UNC13B: variants seen among roughly 807,000 people sequenced by gnomAD.
The protein encoded by UNC13B is unc-13 homolog B.
Under a neutral mutation model 211.0 loss-of-function variants are expected in UNC13B, and 144 were observed. The observed-to-expected ratio is 0.68, with a 90% confidence interval of 0.60 to 0.78. The LOEUF (loss-of-function observed/expected upper bound fraction) is 0.78, where lower values mean the gene tolerates loss of function less well. Ranked by LOEUF, UNC13B falls within the 30% of genes least tolerant of loss-of-function variation. The pLI, the probability that UNC13B is intolerant of heterozygous loss-of-function variation, is 0.00. For synonymous variants in UNC13B, 709 were observed against 725.8 expected, an observed-to-expected ratio of 0.98 and a Z score of 0.37; for missense variants, 1,777 against 2,002.0, an observed-to-expected ratio of 0.89 and a Z score of 2.14.
intron 7 of UNC13B, among the ~76,000 whole-genome samples, chr9:35,259,577 A>G (rs749727175): frequency 6.6e-6 from 1 of 152,112 alleles, no homozygotes; most frequent in South Asian, 2.1e-4. Flanking sequence ...GTATACCTCA[A>G]TAAAATTTGA....
At chr9:35,375,490 GA>G (rs1318647707) in intron 14 of UNC13B, among the ~76,000 whole-genome samples, 3 of 152,300 alleles carry the variant, frequency 2.0e-5, no homozygotes, top group Middle Eastern at 6.8e-3. Flanking sequence ...GTGAATGCTG[GA>G]ACAAGGCTCG....
At chr9:35,291,673 C>T (rs1829105643) in intron 7 of UNC13B, among the ~76,000 whole-genome samples, 1 of 152,160 alleles carries the variant, frequency 6.6e-6, no homozygotes, top group African/African-American at 2.4e-5. Flanking sequence ...GCTAAGGCCA[C>T]CTTTGTTCTA....
At chr9:35,217,975 G>A (rs1292603669) in intron 1 of UNC13B, among the ~76,000 whole-genome samples, 1 of 151,840 alleles carries the variant, frequency 6.6e-6, no homozygotes, top group Non-Finnish European at 1.5e-5. Flanking sequence ...AGTGAGCTGT[G>A]TTTGCACCAC....
At chr9:35,352,925 A>G (rs1034959384) in intron 11 of UNC13B, 1 of 1,232,084 alleles carries the variant, frequency 8.1e-7, no homozygotes, top group African/African-American at 1.6e-5. Flanking sequence ...CTGCCACGAT[A>G]AAAGTGAGGC....
intron 1 of UNC13B, among the ~76,000 whole-genome samples, chr9:35,206,550 A>G (rs1011873444): frequency 6.6e-6 from 1 of 152,072 alleles, no homozygotes; most frequent in South Asian, 2.1e-4. Context: ...TTGTATCAGC[A>G]TGTCATTCTT....
intron 37 of UNC13B, among the ~76,000 whole-genome samples, chr9:35,402,550 G>T (rs1403602935): frequency 6.6e-6 from 1 of 152,040 alleles, no homozygotes. Flanking sequence ...CCAAAGTCCT[G>T]GGATTACAGG....
chr9:35,260,836 C>T (rs549835860), intron 7 of UNC13B, among the ~76,000 whole-genome samples: 14 of 152,156 alleles, frequency 9.2e-5, no homozygotes, highest in East Asian at 7.7e-4. Context: ...CCTTTTTCCA[C>T]GACTGCTAAT....
intron 6 of UNC13B, among the ~76,000 whole-genome samples, chr9:35,244,232 C>G (rs1464958484): frequency 6.6e-6 from 1 of 151,616 alleles, no homozygotes; most frequent in Admixed American, 6.6e-5. Context: ...ATTAATGGAA[C>G]AAAGAAAAAA....
At chr9:35,252,139 C>G (rs886787587) in intron 6 of UNC13B, among the ~76,000 whole-genome samples, 2 of 152,090 alleles carry the variant, frequency 1.3e-5, no homozygotes, top group Non-Finnish European at 2.9e-5. Context: ...AAAAGTGCAT[C>G]TATTAGTTTG....
At chr9:35,205,009 T>C (rs1470750106) in intron 1 of UNC13B, among the ~76,000 whole-genome samples, 3 of 152,136 alleles carry the variant, frequency 2.0e-5, no homozygotes, top group Non-Finnish European at 2.9e-5. Flanking sequence ...TGGGAGGTGA[T>C]GGATAATGGG....
In UNC13B at chr9:35,255,539, G is replaced by C. The variant is rs368501936; in HGVS notation, c.469-3454G>C. 1.5e-4 allele frequency among the ~76,000 whole-genome samples: 23 copies of C among 152,228 alleles called. No individual in the cohort carries two copies. In the South Asian group the frequency reaches 4.8e-3, roughly 32 times the overall value. On this transcript the variant is annotated intron_variant, in intron 6 of 39. Coordinates refer to ENST00000635942, the MANE Select transcript of UNC13B (RefSeq NM_001371189.2). ...GCATCAGAGTTTTTAAAGATAATTT[G>C]ACAGGTAGGGGTTTGGGAAGTGGGG...
chr9:35,386,229 T>C lies in UNC13B; in HGVS notation c.11030T>C (p.Leu3677Ser). The C allele has an allele frequency of 6.2e-7, 1 of 1,614,186 alleles. No homozygotes were observed. The highest frequency in any genetic ancestry group is 1.3e-5 in the African/African-American group (1 of 75,038). ...QVVKDCVKAC[L>S]NSTYEYIFNN... Reference sequence around the variant, plus strand: ...GTAAAGGATTGTGTGAAGGCCTGTTTGAACTCCACATATGAATATATCTTC... The same window carrying C: ...GTAAAGGATTGTGTGAAGGCCTGTTCGAACTCCACATATGAATATATCTTC... Residue 3677 changes from leucine (L) to serine (S), a missense_variant, in exon 24 of 40, where the codon TTG becomes TCG. By Grantham distance (145) the Leu-to-Ser change is moderately radical. Transcript: ENST00000635942.
intron 11 of UNC13B, among the ~76,000 whole-genome samples, chr9:35,358,459 C>T (rs994979360): frequency 3.9e-5 from 6 of 152,146 alleles, no homozygotes; most frequent in Non-Finnish European, 8.8e-5. Context: ...TTTTCTTCAA[C>T]ACTTGTTATT....
intron 6 of UNC13B, among the ~76,000 whole-genome samples, chr9:35,257,243 G>T (rs967823774): frequency 6.7e-6 from 1 of 150,368 alleles, no homozygotes; most frequent in Non-Finnish European, 1.5e-5. Flanking sequence ...TGGATCACCT[G>T]AGGTCAGGAG....
At position 35,236,899 on chromosome 9, in the gene UNC13B, T is replaced by C. The variant is rs368972020; in HGVS notation, c.270+313T>C. ...TTACTTAGGGTACTTGTGGTTTCTG[T>C]GTTCTCTTCTAAGTCACTGCCCTGG... On this transcript the variant is annotated intron_variant, in intron 4 of 39. Transcript: ENST00000635942. Among the ~76,000 whole-genome samples the C allele has an allele frequency of 7.6e-4, 115 of 152,296 alleles. 1 individual carries two copies. In the South Asian group the frequency reaches 0.019, roughly 25 times the overall value.
At chr9:35,318,974 A>C (rs1830600551) in intron 11 of UNC13B, among the ~76,000 whole-genome samples, 1 of 152,202 alleles carries the variant, frequency 6.6e-6, no homozygotes, top group Non-Finnish European at 1.5e-5. Context: ...TGGTAAAAGG[A>C]AGGGAAAGAT....
At chr9:35,220,462 G>A (rs1202508267) in intron 1 of UNC13B, among the ~76,000 whole-genome samples, 2 of 150,498 alleles carry the variant, frequency 1.3e-5, no homozygotes, top group East Asian at 3.9e-4. Flanking sequence ...TCTGTTATTG[G>A]TAGTTCTACT....
At chr9:35,385,338 C>G (rs1835118974) in intron 22 of UNC13B, 1 of 985,426 alleles carries the variant, frequency 1.0e-6, no homozygotes, top group Non-Finnish European at 1.2e-6. Flanking sequence ...CACTTATATT[C>G]CAGGATATAC....
chr9:35,362,854 A>G (rs537916296), intron 11 of UNC13B, among the ~76,000 whole-genome samples: 7 of 152,248 alleles, frequency 4.6e-5, no homozygotes, highest in Middle Eastern at 6.8e-3. Context: ...CATCTGTACA[A>G]TGGTGGGACT....
Sources: allele counts gnomAD v4.1 joint callset (sites outside exome capture counted in the v4.1 genomes callset), GRCh38; gene constraint gnomAD v4.1.1; transcripts MANE v1.5; gene names NCBI Gene and HGNC (gene_info 2026-07-23, HGNC 2026-07-21).